The following ZNF438 variants were observed in gnomAD, a reference collection of about 807,000 sequenced individuals.
ZNF438 encodes the protein zinc finger protein 438.
Under a neutral mutation model 38.0 loss-of-function variants are expected in ZNF438, and 25 were observed. The ratio of observed to expected loss-of-function variants is 0.66; its 90% CI spans 0.48 to 0.92. The LOEUF is 0.92. ZNF438 is among the 40% of genes least tolerant of loss of function. The pLI is 0.00. For synonymous variants in ZNF438, 372 were observed against 364.1 expected (o/e 1.02, Z -0.25); for missense variants, 1,007 against 999.6 (o/e 1.01, Z -0.10).
At chr10:30,880,900 A>C (rs2039153345) in intron 3 of ZNF438, among the ~76,000 whole-genome samples, 1 of 152,200 alleles carries the variant, frequency 6.6e-6, no homozygotes, top group Non-Finnish European at 1.5e-5. Context: ...TTAAACAGAC[A>C]CAAAAATTGT....
At chr10:30,949,214 AC>A (rs1162930750) in intron 1 of ZNF438, among the ~76,000 whole-genome samples, 2 of 151,800 alleles carry the variant, frequency 1.3e-5, no homozygotes, top group African/African-American at 2.4e-5. Context: ...AGATTTTGTC[AC>A]CACCAGGCCT....
At chr10:30,909,455 T>C (rs17295486) in intron 2 of ZNF438, among the ~76,000 whole-genome samples, 12,953 of 152,190 alleles carry the variant, frequency 0.085, 632 homozygotes, top group Non-Finnish European at 0.11. Flanking sequence ...GAACTCCTGA[T>C]TCTCGACTGA....
intron 1 of ZNF438, among the ~76,000 whole-genome samples, chr10:30,994,064 TATTTG>T (rs1399453024): frequency 3.9e-5 from 6 of 152,266 alleles, no homozygotes; most frequent in South Asian, 2.1e-4. Context: ...GTAGGTAACT[TATTTG>T]ATTTAACAGG....
intron 3 of ZNF438, among the ~76,000 whole-genome samples, chr10:30,902,179 T>G (rs935462388): frequency 1.3e-5 from 2 of 152,162 alleles, no homozygotes; most frequent in Non-Finnish European, 2.9e-5. Context: ...TTCTCTTATC[T>G]GGCCCCACCT....
At chr10:30,849,681 A>G in exon 5 of ZNF438, 1 of 1,614,160 alleles carries the variant, frequency 6.2e-7, no homozygotes, top group Non-Finnish European at 8.5e-7. Context: ...TTGCTTACAA[A>G]GTGTGCTTTC....
intron 3 of ZNF438, among the ~76,000 whole-genome samples, chr10:30,892,375 C>T (rs2040802833): frequency 6.6e-6 from 1 of 152,036 alleles, no homozygotes; most frequent in African/African-American, 2.4e-5. Flanking sequence ...ACATATGTAA[C>T]AACATACAAA....
intron 1 of ZNF438, among the ~76,000 whole-genome samples, chr10:30,966,526 C>T (rs759718492): frequency 3.3e-5 from 5 of 151,700 alleles, no homozygotes; most frequent in African/African-American, 4.8e-5. Context: ...AAAAATTAGC[C>T]AGGTGTGGTG....
intron 1 of ZNF438, among the ~76,000 whole-genome samples, chr10:31,015,939 T>C (rs2056161854): frequency 6.6e-6 from 1 of 152,202 alleles, no homozygotes; most frequent in African/African-American, 2.4e-5. Context: ...CAGGGGTCCA[T>C]TCTTATGACC....
At chr10:30,976,754 A>G (rs1438412546) in intron 1 of ZNF438, among the ~76,000 whole-genome samples, 1 of 145,622 alleles carries the variant, frequency 6.9e-6, no homozygotes, top group African/African-American at 2.5e-5. Context: ...AAAAAAAAAA[A>G]GAAGTCATAT....
chr10:31,007,276 G>GTTTTT (rs60434764), intron 1 of ZNF438, among the ~76,000 whole-genome samples: 1 of 112,388 alleles, frequency 8.9e-6, no homozygotes, highest in Non-Finnish European at 1.8e-5. Flanking sequence ...TTTTTTTGGT[G>GTTTTT]TTTTTTTTTT....
chr10:30,902,009 T>C (rs1371711140), intron 3 of ZNF438, among the ~76,000 whole-genome samples: 1 of 132,526 alleles, frequency 7.5e-6, no homozygotes, highest in African/African-American at 2.6e-5. Flanking sequence ...GGAGTGAAGC[T>C]GCAGACCTTC....
rs550883518 is a variant in ZNF438 at position 30,850,356 on chromosome 10, T to A, written c.49A>T (p.Ile17Phe). The change falls in exon 5 of 6, where the codon ATC (isoleucine) becomes TTC (phenylalanine). Residue 17 changes from isoleucine to phenylalanine, a missense_variant. Transcript: ENST00000413025. ...CTACTCTGTATTGTTCCAGAAGGGA[T>A]GTTTGATTCACCTGCAATGACAATA... The A allele has an allele frequency of 1.4e-5, 22 of 1,611,354 alleles. 1 individual carries two copies. In the South Asian group the frequency reaches 1.9e-4, roughly 14 times the overall value.
intron 3 of ZNF438, 135 bp from the exon 5 acceptor site, chr10:30,877,200 C>A: frequency 2.2e-6 from 1 of 453,110 alleles, no homozygotes; most frequent in Non-Finnish European, 3.8e-6. Flanking sequence ...ATGGATTGAG[C>A]TATTAAGAAT....
rs1252223045 is a variant in ZNF438 at position 30,848,555 on chromosome 10, C to G, written c.1850G>C (p.Arg617Pro). 1.2e-6 allele frequency: 2 copies of G among 1,613,512 alleles called. No individual in the cohort carries two copies. Among genetic ancestry groups the G allele is most frequent in the African/African-American group, 1.3e-5 (1 of 75,022 alleles). ...CCTCTCCAATGATCCCTCCATGCCT[C>G]GCACACTCATGTCTCTGTTCTTTGG... The change falls in exon 5 of 6, where the codon CGA (arginine) becomes CCA (proline). Residue 617 changes from arginine to proline, a missense_variant. Arg to Pro is a moderately radical substitution (Grantham distance 103). Coordinates refer to ENST00000413025, the Ensembl canonical transcript of ZNF438.
chr10:30,844,998 TG>T lies in ZNF438; in HGVS notation c.2449del (p.Gln817ArgfsTer3), dbSNP rs758636312. 8 of 1,614,084 alleles carry T rather than the reference TG, an allele frequency of 5.0e-6. No homozygotes were observed. The highest frequency in any genetic ancestry group is 8.5e-7 in the Non-Finnish European group (1 of 1,180,036). ...TTCACTGGAAAGTTCGATCACTCCC[TG>T]GTTGGAGACCGTATTTAAAATAGCC... On this transcript the variant is annotated frameshift_variant, in exon 6 of 6. Coordinates refer to ENST00000413025, the Ensembl canonical transcript of ZNF438. LOFTEE classifies it low-confidence loss of function (END_TRUNC).
At position 30,846,905 on chromosome 10, in the gene ZNF438, G is replaced by C. The variant is rs547908103; in HGVS notation, c.1875-1332C>G. Among the ~76,000 whole-genome samples, 7 of 152,338 alleles carry C rather than the reference G, an allele frequency of 4.6e-5. No individual in the cohort carries two copies. The East Asian group carries it at 1.4e-3, about 29-fold the overall frequency. On this transcript the variant is annotated intron_variant, in intron 5 of 5. Transcript: ENST00000413025. ...AAAGCAAGGCTGGGGCTGAGCCTGG[G>C]CTCTGCTGTAACCTGGTTGGGTGTG...
rs61845213 is a variant in ZNF438 at position 31,021,505 on chromosome 10, G to A, written c.-192+10328C>T. Among the ~76,000 whole-genome samples the A allele has an allele frequency of 9.0e-3, 1,363 of 152,176 alleles. 20 individuals carry two copies. The highest frequency in any genetic ancestry group is 0.012 in the Non-Finnish European group (790 of 68,018). On this transcript the variant is annotated intron_variant, in intron 1 of 5. Transcript: ENST00000413025. ...AGGTTTTGTATTGTTGGAATTTGCC[G>A]TTTGATATTGGAATACATTCTTAAA... is the stretch of plus-strand genomic sequence containing the variant.
intron 3 of ZNF438, among the ~76,000 whole-genome samples, chr10:30,881,203 C>T (rs2039203941): frequency 6.6e-6 from 1 of 152,158 alleles, no homozygotes; most frequent in South Asian, 2.1e-4. Flanking sequence ...TGGTCTTTAT[C>T]TGCAGATGAC....
chr10:30,909,840 C>A (rs2042910801), intron 2 of ZNF438, among the ~76,000 whole-genome samples: 1 of 152,216 alleles, frequency 6.6e-6, no homozygotes, highest in African/African-American at 2.4e-5. Flanking sequence ...TAAAAATATT[C>A]TTTCAAGCTG....
Sources: gnomAD v4.1 joint callset for allele counts (sites outside exome capture counted in the v4.1 genomes callset) on GRCh38, gnomAD v4.1.1 for gene constraint, MANE v1.5 for transcripts, NCBI Gene and HGNC (gene_info 2026-07-23, HGNC 2026-07-21) for gene names.